The following NT5C2 variants were observed in gnomAD, a reference collection of about 807,000 sequenced individuals.
NT5C2 encodes 5'-nucleotidase, cytosolic II, also known as cytosolic purine 5'-nucleotidase.
A neutral mutation model predicts 76.1 loss-of-function variants in NT5C2; 58 were observed. The ratio of observed to expected loss-of-function variants is 0.76; its 90% confidence interval spans 0.62 to 0.95. The LOEUF is 0.95. Ranked by LOEUF, NT5C2 falls within the 40% of genes least tolerant of loss-of-function variation. The probability of loss-of-function intolerance (pLI) is 0.00; values close to 1 mark genes in which losing one functional copy is unlikely to be tolerated. For synonymous variants in NT5C2, 229 were observed against 237.4 expected, an observed-to-expected ratio of 0.96 and a Z score of 0.32; for missense variants, 478 against 690.3, an observed-to-expected ratio of 0.69 and a Z score of 3.45.
intron 4 of NT5C2, among the ~76,000 whole-genome samples, chr10:103,120,997 A>T (rs1022810475): frequency 2.6e-5 from 4 of 152,232 alleles, no homozygotes; most frequent in African/African-American, 9.6e-5. Context: ...GGACAAATTT[A>T]AAAAATATGC....
intron 3 of NT5C2, 36 bp downstream of exon 3, chr10:103,174,822 G>A (rs900627899): frequency 7.5e-7 from 1 of 1,332,248 alleles, no homozygotes; most frequent in Non-Finnish European, 1.1e-6. Flanking sequence ...CCACTTCATA[G>A]AGGGGTTTTG....
intron 1 of NT5C2, among the ~76,000 whole-genome samples, chr10:103,184,206 A>C (rs1428093767): frequency 1.3e-5 from 2 of 151,884 alleles, no homozygotes; most frequent in Admixed American, 6.6e-5. Context: ...CCTGCCTCCC[A>C]AAGTGCTGGA....
intron 4 of NT5C2, among the ~76,000 whole-genome samples, chr10:103,116,534 A>G (rs913718188): frequency 4.0e-5 from 6 of 151,628 alleles, no homozygotes; most frequent in Non-Finnish European, 7.4e-5. Flanking sequence ...GCAATTAGTT[A>G]GAAGAGGCTT....
intron 1 of NT5C2, among the ~76,000 whole-genome samples, chr10:103,183,291 A>ATATATATATATAATATATATATATATC (rs1554841794): frequency 7.8e-6 from 1 of 128,146 alleles, no homozygotes; most frequent in Non-Finnish European, 1.6e-5. Context: ...ATATATATAT[A>ATATATATATATAATATATATATATATC]TATCACACAC....
chr10:103,105,150 A>C (rs1183226184), intron 6 of NT5C2, among the ~76,000 whole-genome samples: 2 of 152,202 alleles, frequency 1.3e-5, no homozygotes, highest in Non-Finnish European at 2.9e-5. Context: ...TTTATTTTGA[A>C]AATAAAGCTT....
chr10:103,174,481 G>GAAT (rs1022455468), intron 3 of NT5C2, among the ~76,000 whole-genome samples: 2 of 152,158 alleles, frequency 1.3e-5, no homozygotes, highest in African/African-American at 4.8e-5. Context: ...TGAGGCAAGA[G>GAAT]AATTGCTTGA....
intron 1 of NT5C2, among the ~76,000 whole-genome samples, chr10:103,189,389 T>C (rs898245977): frequency 6.6e-6 from 1 of 151,888 alleles, no homozygotes; most frequent in Admixed American, 6.5e-5. Context: ...GGACGGATCA[T>C]GAGGTAAAGA....
intron 4 of NT5C2, 110 bp from the exon 5 acceptor site, chr10:103,106,816 G>A: frequency 1.4e-6 from 1 of 732,888 alleles, no homozygotes. Context: ...TCCTAATTCT[G>A]CCATTTTTCT....
At chr10:103,154,480 A>C (rs1208768997) in intron 3 of NT5C2, among the ~76,000 whole-genome samples, 1 of 152,214 alleles carries the variant, frequency 6.6e-6, no homozygotes, top group Non-Finnish European at 1.5e-5. Context: ...TTATTTAGAA[A>C]AGCAGTATGG....
chr10:103,163,864 A>AC (rs975772847), intron 3 of NT5C2, among the ~76,000 whole-genome samples: 11 of 116,006 alleles, frequency 9.5e-5, no homozygotes, highest in African/African-American at 3.0e-4. Context: ...AAAATACAAA[A>AC]AAAAAACAAA....
intron 3 of NT5C2, among the ~76,000 whole-genome samples, chr10:103,164,201 T>C (rs1398004153): frequency 2.0e-5 from 3 of 152,084 alleles, no homozygotes; most frequent in African/African-American, 7.2e-5. Context: ...TGAGCTATGA[T>C]TGCGCCACTG....
Position 103,106,625 on chromosome 10 carries a change from AACT to A in NT5C2, c.254_256del (p.Glu85_Leu86delinsVal). ...TGTAGAATCATAAGCAAAGCTGAGCAACTCCTGGGGATAGCCAATAGAAACTAA... is the reference window on the plus strand; with the variant it reads ...TGTAGAATCATAAGCAAAGCTGAGCACCTGGGGATAGCCAATAGAAACTAA... On this transcript the variant is annotated inframe_deletion, in exon 5 of 19. Coordinates refer to ENST00000404739, the MANE Select transcript of NT5C2 (RefSeq NM_001351169.2). The A allele has an allele frequency of 1.2e-6, 2 of 1,613,676 alleles. No homozygotes were observed. Among genetic ancestry groups the A allele is most frequent in the Non-Finnish European group, 1.7e-6 (2 of 1,179,594 alleles).
chr10:103,146,367 G>A (rs2081479407), intron 3 of NT5C2: 1 of 985,396 alleles, frequency 1.0e-6, no homozygotes, highest in South Asian at 4.7e-5. Context: ...CCCAATGACA[G>A]TTAGTGCAAC....
chr10:103,099,224 C>T lies in NT5C2; in HGVS notation c.634-240G>A, dbSNP rs149091633. On this transcript the variant is annotated intron_variant, in intron 9 of 18. Transcript: ENST00000404739. ...AAGTAGCTAGGACCACAGGTCCACA[C>T]CAACATGCCTGGCTAATTTTCTGTA... is the stretch of plus-strand genomic sequence containing the variant. 2.3e-4 allele frequency among the ~76,000 whole-genome samples: 35 copies of T among 152,294 alleles called. No individual in the cohort carries two copies. The East Asian group carries it at 5.4e-3, about 24-fold the overall frequency.
intron 3 of NT5C2, chr10:103,140,336 T>C (rs150909494): frequency 7.2e-5 from 11 of 152,356 alleles, no homozygotes; most frequent in Non-Finnish European, 1.2e-4. Context: ...CTTAGCATAA[T>C]GTCTTCTACG....
chr10:103,137,237 G>A (rs976590977), intron 4 of NT5C2, among the ~76,000 whole-genome samples: 1 of 152,100 alleles, frequency 6.6e-6, no homozygotes, highest in Non-Finnish European at 1.5e-5. Context: ...CTTCCCATTT[G>A]AACAGCAAGA....
intron 3 of NT5C2, among the ~76,000 whole-genome samples, chr10:103,148,750 T>TA (rs2081941872): frequency 6.6e-6 from 1 of 152,232 alleles, no homozygotes; most frequent in Non-Finnish European, 1.5e-5. Context: ...CTCACTCATA[T>TA]ACTCAGTATT....
intron 1 of NT5C2, among the ~76,000 whole-genome samples, chr10:103,185,239 A>G (rs1423545347): frequency 6.6e-6 from 1 of 152,130 alleles, no homozygotes; most frequent in Non-Finnish European, 1.5e-5. Flanking sequence ...GCCATAATTA[A>G]CTGAGGTCTT....
chr10:103,126,339 G>GT lies in NT5C2; in HGVS notation c.175+13066dup, dbSNP rs1364350651. Among the ~76,000 whole-genome samples, 3 of 152,170 alleles carry GT rather than the reference G, an allele frequency of 2.0e-5. No homozygotes were observed. In the East Asian group the frequency reaches 5.8e-4, roughly 29 times the overall value. Reference sequence around the variant, plus strand: ...GCAGGTATTTTTTATATAAAACATAGTTGGCCGGATGCAGTGGCTCACATC... The same window carrying GT: ...GCAGGTATTTTTTATATAAAACATAGTTTGGCCGGATGCAGTGGCTCACATC... On this transcript the variant is annotated intron_variant, in intron 4 of 18. Transcript: ENST00000404739.
Sources: gnomAD v4.1 joint callset for allele counts (sites outside exome capture counted in the v4.1 genomes callset) on GRCh38, gnomAD v4.1.1 for gene constraint, MANE v1.5 for transcripts, NCBI Gene and HGNC (gene_info 2026-07-23, HGNC 2026-07-21) for gene names.